Variants in ABCB1 observed in about 807,000 individuals in gnomAD.
ABCB1 encodes ATP-dependent translocase ABCB1.
ABCB1 carries 69 observed loss-of-function variants against 142.0 expected under a neutral mutation model. The observed-to-expected ratio is 0.49, with a 90% CI of 0.40 to 0.59. ABCB1 has a LOEUF of 0.59. ABCB1 is among the 20% of genes least tolerant of loss of function. ABCB1 has a pLI of 0.00. For missense variants in ABCB1, 1,326 were observed against 1,554.7 expected, an observed-to-expected ratio of 0.85 and a Z score of 2.47; for synonymous variants, 532 against 539.2, an observed-to-expected ratio of 0.99 and a Z score of 0.18.
At chr7:87,558,797 A>G (rs1396616099) in intron 8 of ABCB1, among the ~76,000 whole-genome samples, 2 of 151,990 alleles carry the variant, frequency 1.3e-5, no homozygotes, top group African/African-American at 4.8e-5. Context: ...CATGAATCAT[A>G]TATAATTCAT....
rs1181760578 is a variant in ABCB1 at position 87,681,388 on chromosome 7, A to G, written c.-331+31773T>C. On this transcript the variant is annotated intron_variant, in intron 1 of 28. Transcript: ENST00000265724. Reference sequence around the variant, plus strand: ...ATTACAAGAAAAGGAAACTCTACTCATACTGAGGTATATTGCTTGTTCAGT... The same window carrying G: ...ATTACAAGAAAAGGAAACTCTACTCGTACTGAGGTATATTGCTTGTTCAGT... Among the ~76,000 whole-genome samples, 2 of 150,698 alleles carry G rather than the reference A, an allele frequency of 1.3e-5. 1 individual carries two copies. Among genetic ancestry groups the G allele is most frequent in the Non-Finnish European group, 2.9e-5 (2 of 67,866 alleles).
At chr7:87,588,590 C>A (rs1050769741) in intron 3 of ABCB1, among the ~76,000 whole-genome samples, 1 of 152,188 alleles carries the variant, frequency 6.6e-6, no homozygotes, top group Admixed American at 6.5e-5. Context: ...AATTGATGGC[C>A]ATTTAGGTTG....
chr7:87,578,613 T>A (rs996661800), intron 4 of ABCB1, among the ~76,000 whole-genome samples: 1 of 152,168 alleles, frequency 6.6e-6, no homozygotes, highest in Non-Finnish European at 1.5e-5. Flanking sequence ...GTTTTCATTG[T>A]AGAGATCTCT....
At chr7:87,662,410 T>C (rs1212889596) in intron 1 of ABCB1, among the ~76,000 whole-genome samples, 3 of 152,144 alleles carry the variant, frequency 2.0e-5, no homozygotes, top group Admixed American at 6.6e-5. Context: ...ATTTAATCCA[T>C]TTTGATTTGA....
chr7:87,573,746 A>G (rs1389262656), intron 4 of ABCB1, among the ~76,000 whole-genome samples: 1 of 152,200 alleles, frequency 6.6e-6, no homozygotes, highest in East Asian at 1.9e-4. Flanking sequence ...AGTACCAACA[A>G]TGATTTACCA....
At chr7:87,672,666 A>T (rs1825944967) in intron 1 of ABCB1, among the ~76,000 whole-genome samples, 1 of 152,180 alleles carries the variant, frequency 6.6e-6, no homozygotes, top group Admixed American at 6.5e-5. Context: ...GACTCCATGT[A>T]GCTCTGTCTG....
intron 18 of ABCB1, 149 bp downstream of exon 18, chr7:87,541,208 T>C (rs557739505): frequency 4.8e-4 from 302 of 625,214 alleles, no homozygotes; most frequent in Non-Finnish European, 6.9e-4. Context: ...AAACATCTTT[T>C]TTCACTATGT....
intron 1 of ABCB1, among the ~76,000 whole-genome samples, chr7:87,616,850 G>A (rs1020291924): frequency 2.4e-4 from 36 of 152,046 alleles, no homozygotes; most frequent in African/African-American, 8.7e-4. Context: ...AGACCAACTG[G>A]TCTCTTCTCT....
intron 1 of ABCB1, among the ~76,000 whole-genome samples, chr7:87,701,135 G>A (rs1223141998): frequency 6.6e-6 from 1 of 152,158 alleles, no homozygotes; most frequent in East Asian, 1.9e-4. Flanking sequence ...GTTGCTTCAA[G>A]AAAAACACTT....
intron 24 of ABCB1, among the ~76,000 whole-genome samples, chr7:87,516,160 C>T (rs573532432): frequency 1.3e-4 from 20 of 152,088 alleles, no homozygotes; most frequent in East Asian, 5.8e-4. Context: ...GCAGGAGGAT[C>T]GCTTGAGCCC....
At chr7:87,688,318 A>T (rs1192667189) in intron 1 of ABCB1, among the ~76,000 whole-genome samples, 2 of 152,088 alleles carry the variant, frequency 1.3e-5, no homozygotes, top group Non-Finnish European at 2.9e-5. Flanking sequence ...AAGATTTGGG[A>T]GAAAATAATC....
At chr7:87,581,237 ACACACCAC>A (rs1818493946) in intron 4 of ABCB1, among the ~76,000 whole-genome samples, 1 of 152,082 alleles carries the variant, frequency 6.6e-6, no homozygotes, top group African/African-American at 2.4e-5. Context: ...GACTGCAGGC[ACACACCAC>A]CACACCCAGC....
intron 2 of ABCB1, among the ~76,000 whole-genome samples, chr7:87,599,650 T>C (rs1483232745): frequency 1.3e-5 from 2 of 152,170 alleles, no homozygotes; most frequent in Non-Finnish European, 2.9e-5. Flanking sequence ...GGTGAATGAC[T>C]AAGAACGGTT....
At chr7:87,668,462 T>G (rs1337807078) in intron 1 of ABCB1, among the ~76,000 whole-genome samples, 4 of 152,074 alleles carry the variant, frequency 2.6e-5, no homozygotes, top group South Asian at 4.1e-4. Context: ...TTTTGATTGT[T>G]TTTTTTGTGT....
At chr7:87,620,441 T>A (rs1211658534) in intron 1 of ABCB1, among the ~76,000 whole-genome samples, 1 of 151,984 alleles carries the variant, frequency 6.6e-6, no homozygotes, top group Admixed American at 6.6e-5. Flanking sequence ...TACAGGCGAG[T>A]AACTCGTTTC....
intron 25 of ABCB1, among the ~76,000 whole-genome samples, chr7:87,510,964 TG>T (rs2117072556): frequency 6.6e-6 from 1 of 152,258 alleles, no homozygotes; most frequent in South Asian, 2.1e-4. Context: ...AGGAGGAGTT[TG>T]GTTTTTGCTT....
intron 1 of ABCB1, among the ~76,000 whole-genome samples, chr7:87,695,753 A>G: frequency 6.6e-6 from 1 of 152,096 alleles, no homozygotes; most frequent in East Asian, 1.9e-4. Context: ...GCTACTGCTT[A>G]GTAGAGAACC....
chr7:87,625,201 A>G (rs1563078939), intron 1 of ABCB1, among the ~76,000 whole-genome samples: 1 of 152,136 alleles, frequency 6.6e-6, no homozygotes, highest in Admixed American at 6.5e-5. Flanking sequence ...AACTTGCAGT[A>G]AGCGGAGATC....
intron 1 of ABCB1, among the ~76,000 whole-genome samples, chr7:87,669,600 T>C (rs903924545): frequency 2.6e-5 from 4 of 152,218 alleles, no homozygotes; most frequent in African/African-American, 9.6e-5. Context: ...GTTTTTGTAT[T>C]AGCTGGTATT....
Sources: allele counts gnomAD v4.1 joint callset (sites outside exome capture counted in the v4.1 genomes callset), GRCh38; gene constraint gnomAD v4.1.1; transcripts MANE v1.5; gene names NCBI Gene and HGNC (gene_info 2026-07-23, HGNC 2026-07-21).